The following LCP2 variants were observed in gnomAD, a reference collection of about 807,000 sequenced individuals.
LCP2 encodes 76 kDa tyrosine phosphoprotein.
Under a neutral mutation model 74.5 loss-of-function variants are expected in LCP2, and 29 were observed. That is an observed-to-expected ratio of 0.39 (90% CI 0.29 to 0.53). The LOEUF (loss-of-function observed/expected upper bound fraction) is 0.53, where lower values mean the gene tolerates loss of function less well. LCP2 is among the 20% of genes least tolerant of loss of function. LCP2 has a pLI of 0.72. For synonymous variants in LCP2, 228 were observed against 229.5 expected, an observed-to-expected ratio of 0.99 and a Z score of 0.06; for missense variants, 604 against 634.6, an observed-to-expected ratio of 0.95 and a Z score of 0.52.
chr5:170,296,757 C>A (rs777104446), intron 1 of LCP2, among the ~76,000 whole-genome samples: 6 of 152,182 alleles, frequency 3.9e-5, no homozygotes, highest in Non-Finnish European at 8.8e-5. Context: ...CCTCTAAGTC[C>A]AGAAGATAAG....
intron 14 of LCP2, among the ~76,000 whole-genome samples, chr5:170,260,404 G>A (rs942452287): frequency 6.6e-6 from 1 of 152,250 alleles, no homozygotes; most frequent in Non-Finnish European, 1.5e-5. Flanking sequence ...GGCTTATGGT[G>A]TAGAGAAACT....
intron 2 of LCP2, among the ~76,000 whole-genome samples, chr5:170,288,697 A>G (rs1762226841): frequency 6.6e-6 from 1 of 152,236 alleles, no homozygotes; most frequent in Admixed American, 6.5e-5. Flanking sequence ...GAGAAAGCCG[A>G]GGCTCAGGGA....
intron 2 of LCP2, among the ~76,000 whole-genome samples, chr5:170,290,994 A>AAGAG (rs1191271778): frequency 1.3e-4 from 10 of 75,850 alleles, no homozygotes; most frequent in Non-Finnish European, 2.0e-4. Context: ...GAAAGAAAGA[A>AAGAG]AGAAAGAGAG....
chr5:170,284,126 T>C (rs540190167), intron 3 of LCP2, among the ~76,000 whole-genome samples: 1 of 152,336 alleles, frequency 6.6e-6, no homozygotes, highest in East Asian at 1.9e-4. Context: ...GAATAAAGTA[T>C]TATTGAAATA....
At chr5:170,262,119 C>T (rs528524565) in intron 13 of LCP2, among the ~76,000 whole-genome samples, 14 of 152,290 alleles carry the variant, frequency 9.2e-5, no homozygotes, top group African/African-American at 3.4e-4. Flanking sequence ...ACCCCAGGTA[C>T]ATGCGCGCCA....
chr5:170,272,348 A>G (rs1761908857), intron 6 of LCP2, among the ~76,000 whole-genome samples: 1 of 152,190 alleles, frequency 6.6e-6, no homozygotes, highest in African/African-American at 2.4e-5. Context: ...TAAAATGGAG[A>G]CCAGGCCTGA....
chr5:170,272,597 C>CTTTTTTTTTTTTTTTTTTTTTTTTTT lies in LCP2; in HGVS notation c.324+1678_325-1681dup, dbSNP rs61463939. Among the ~76,000 whole-genome samples, 4 of 40,354 alleles carry CTTTTTTTTTTTTTTTTTTTTTTTTTT rather than the reference C, an allele frequency of 9.9e-5. 1 individual carries two copies. Among genetic ancestry groups the CTTTTTTTTTTTTTTTTTTTTTTTTTT allele is most frequent in the East Asian group, 1.3e-3 (1 of 790 alleles). The allele number at this position is 40,354 out of a possible 152,430, so 26.5% of individuals were successfully genotyped here. A position where few individuals can be genotyped will look rare whatever the true frequency, so the allele number is the denominator to read the frequency against. On this transcript the variant is annotated intron_variant, in intron 6 of 20. Coordinates refer to ENST00000046794, the MANE Select transcript of LCP2 (RefSeq NM_005565.5). ...ATAACTGTAACCCATCAAATATTTT[C>CTTTTTTTTTTTTTTTTTTTTTTTTTT]TTTTTTTTTTTTTTTTTTTTTTTTT...
At chr5:170,290,355 T>C (rs1282681717) in intron 2 of LCP2, among the ~76,000 whole-genome samples, 1 of 152,204 alleles carries the variant, frequency 6.6e-6, no homozygotes, top group African/African-American at 2.4e-5. Flanking sequence ...TGACAGGTCC[T>C]GGGTTTCATT....
chr5:170,287,210 G>A (rs968708717), intron 3 of LCP2, among the ~76,000 whole-genome samples: 9 of 152,190 alleles, frequency 5.9e-5, no homozygotes, highest in South Asian at 2.1e-4. Flanking sequence ...TATGATAACC[G>A]TGCTATTATT....
chr5:170,280,663 C>T (rs538984926), intron 3 of LCP2, among the ~76,000 whole-genome samples: 3 of 152,142 alleles, frequency 2.0e-5, no homozygotes, highest in Admixed American at 6.5e-5. Context: ...TGGTGCCTCA[C>T]GATCATTTTC....
At chr5:170,287,850 T>A in intron 3 of LCP2, 120 bp downstream of exon 3, 1 of 907,654 alleles carries the variant, frequency 1.1e-6, no homozygotes, top group Non-Finnish European at 1.8e-6. Context: ...CCCTCATCCT[T>A]CCTACTTGCT....
intron 1 of LCP2, among the ~76,000 whole-genome samples, chr5:170,294,906 A>G (rs1762347895): frequency 6.6e-6 from 1 of 152,162 alleles, no homozygotes; most frequent in Non-Finnish European, 1.5e-5. Context: ...CAGGCATTTG[A>G]TTCTGCTCCA....
Position 170,293,370 on chromosome 5 carries a change from G to A in LCP2, c.81C>T (p.Leu27=), listed in dbSNP as rs1352979297. 3.1e-6 allele frequency: 5 copies of A among 1,592,198 alleles called. No homozygotes were observed. Among genetic ancestry groups the A allele is most frequent in the African/African-American group, 1.3e-5 (1 of 74,586 alleles). ...CTGCCTTCTCACAGTCCTTATAGTT[G>A]AGCTGCAAAGAGAAGGGGAAGGTGT... ...PDSLADYFKK[L]NYKDCEKAVK... The change falls in exon 2 of 21, where the codon CTC becomes CTT. Residue 27 remains leucine (L), a splice_region_variant and synonymous_variant. Transcript: ENST00000046794.
intron 5 of LCP2, among the ~76,000 whole-genome samples, chr5:170,274,950 C>G (rs1027650183): frequency 1.4e-4 from 21 of 150,002 alleles, no homozygotes; most frequent in Non-Finnish European, 2.7e-4. Flanking sequence ...GCACTCCAGC[C>G]TGGGCGACAG....
At chr5:170,287,811 T>A in intron 3 of LCP2, 159 bp downstream of exon 3, 2 of 686,434 alleles carry the variant, frequency 2.9e-6, no homozygotes, top group Non-Finnish European at 5.2e-6. Flanking sequence ...GCTCTTCATG[T>A]AACTTCTGTT....
At chr5:170,290,371 C>T (rs753307658) in intron 2 of LCP2, among the ~76,000 whole-genome samples, 3 of 152,148 alleles carry the variant, frequency 2.0e-5, no homozygotes, top group Non-Finnish European at 4.4e-5. Flanking sequence ...TCATTCAGGG[C>T]AGTAAATGTG....
intron 2 of LCP2, among the ~76,000 whole-genome samples, chr5:170,290,777 T>C (rs1015860677): frequency 6.6e-6 from 1 of 152,206 alleles, no homozygotes; most frequent in African/African-American, 2.4e-5. Context: ...GTCAGGTTTC[T>C]GCAACATGGG....
At chr5:170,272,609 T>TTTC (rs1761915550) in intron 6 of LCP2, among the ~76,000 whole-genome samples, 1 of 114,540 alleles carries the variant, frequency 8.7e-6, no homozygotes, top group Non-Finnish European at 1.8e-5. Flanking sequence ...TTTTTTTTTT[T>TTTC]TTTTTTTTTT....
chr5:170,271,727 G>A (rs1371360876), intron 6 of LCP2, among the ~76,000 whole-genome samples: 10 of 151,964 alleles, frequency 6.6e-5, no homozygotes, highest in Admixed American at 5.2e-4. Context: ...AGTGATGAGC[G>A]CTCATCATGG....
Sources: gnomAD v4.1 joint callset for allele counts (sites outside exome capture counted in the v4.1 genomes callset) on GRCh38, gnomAD v4.1.1 for gene constraint, MANE v1.5 for transcripts, NCBI Gene and HGNC (gene_info 2026-07-23, HGNC 2026-07-21) for gene names.